Variants in NSUN6 observed in about 807,000 individuals in gnomAD.
The protein encoded by NSUN6 is NOP2/Sun RNA methyltransferase 6.
In NSUN6, 64 loss-of-function variants were observed where a neutral mutation model predicts 58.0. The observed-to-expected ratio is 1.10, with a 90% confidence interval of 0.90 to 1.36. The LOEUF is 1.36. Among genes scored for constraint, NSUN6 ranks in the 40% most tolerant of loss-of-function variants. The pLI is 0.00. For synonymous variants in NSUN6, 231 were observed against 193.9 expected, an observed-to-expected ratio of 1.19 and a Z score of -1.59; for missense variants, 701 against 550.1, an observed-to-expected ratio of 1.27 and a Z score of -2.74.
At chr10:18,639,494 C>CA (rs1246912424) in intron 3 of NSUN6, among the ~76,000 whole-genome samples, 7 of 150,114 alleles carry the variant, frequency 4.7e-5, no homozygotes, top group Non-Finnish European at 1.0e-4. Flanking sequence ...GACTCCGTCT[C>CA]AAAAAAAATA....
At chr10:18,597,203 TTA>T (rs2057623041) in intron 6 of NSUN6, among the ~76,000 whole-genome samples, 1 of 152,220 alleles carries the variant, frequency 6.6e-6, no homozygotes. Flanking sequence ...TTAGTATCAA[TTA>T]TATAAGGACT....
At chr10:18,602,041 T>A (rs1266283967) in intron 6 of NSUN6, among the ~76,000 whole-genome samples, 1 of 151,428 alleles carries the variant, frequency 6.6e-6, no homozygotes, top group Non-Finnish European at 1.5e-5. Flanking sequence ...GACAGGTAAT[T>A]CCCCCTTCCT....
intron 8 of NSUN6, among the ~76,000 whole-genome samples, chr10:18,575,065 A>G (rs34422497): frequency 1.3e-5 from 2 of 152,296 alleles, no homozygotes; most frequent in East Asian, 3.9e-4. Flanking sequence ...AAGAGAATTC[A>G]GAATGAAAAT....
chr10:18,651,747 T>C, upstream of NSUN6: 2 of 985,580 alleles, frequency 2.0e-6, no homozygotes, highest in Non-Finnish European at 2.4e-6. Flanking sequence ...CGGAGGTTCC[T>C]AACCCTGCGT....
intron 8 of NSUN6, among the ~76,000 whole-genome samples, chr10:18,570,446 C>CTCCATTCCATTCCATTCTCCAT (rs2056280311): frequency 1.3e-5 from 2 of 148,468 alleles, no homozygotes; most frequent in Non-Finnish European, 1.5e-5. Flanking sequence ...CCATTCCATT[C>CTCCATTCCATTCCATTCTCCAT]TCCATTCCAT....
intron 8 of NSUN6, among the ~76,000 whole-genome samples, chr10:18,555,844 A>T (rs12355426): frequency 6.8e-6 from 1 of 148,008 alleles, no homozygotes; most frequent in East Asian, 2.1e-4. Flanking sequence ...GAATGGAGAA[A>T]AATGGAATGG....
rs10579235 is a variant in NSUN6, at chr10:18,611,723, G to GGTGTGT, written c.576-1803_576-1798dup. Among the ~76,000 whole-genome samples, 7 of 148,982 alleles carry GGTGTGT rather than the reference G, an allele frequency of 4.7e-5. No homozygotes were observed. The East Asian group carries it at 1.4e-3, about 30-fold the overall frequency. On this transcript the variant is annotated intron_variant, in intron 5 of 10. Transcript: ENST00000377304. ...GTGTGTGTGGACAGAGTCTCACTAT[G>GGTGTGT]GTGTGTGTGTGTGTGTGTGTGTGTG...
At chr10:18,606,629 G>T (rs1564792718) in intron 6 of NSUN6, among the ~76,000 whole-genome samples, 1 of 152,156 alleles carries the variant, frequency 6.6e-6, no homozygotes, top group African/African-American at 2.4e-5. Context: ...ATTACCCTTA[G>T]GAGAAACTGG....
intron 8 of NSUN6, among the ~76,000 whole-genome samples, chr10:18,573,333 T>C (rs1027722895): frequency 6.6e-6 from 1 of 151,278 alleles, no homozygotes; most frequent in Non-Finnish European, 1.5e-5. Flanking sequence ...TCCATTCCAT[T>C]ACCCATTCCT....
At chr10:18,652,567 C>G, upstream of NSUN6, 1 of 956,204 alleles carries the variant, frequency 1.0e-6, no homozygotes, top group Non-Finnish European at 1.2e-6. Context: ...ATTTTCTCTG[C>G]TCTTTTTTTT....
At chr10:18,651,609 T>C (rs907767413), upstream of NSUN6, 1 of 987,108 alleles carries the variant, frequency 1.0e-6, no homozygotes, top group Non-Finnish European at 1.2e-6. Flanking sequence ...ACGCGCCCCC[T>C]ATTTCTCGGC....
At chr10:18,641,980 T>C (rs576492769) in intron 3 of NSUN6, among the ~76,000 whole-genome samples, 1 of 152,226 alleles carries the variant, frequency 6.6e-6, no homozygotes, top group Non-Finnish European at 1.5e-5. Context: ...GGTGGTATAA[T>C]TGCCTGAGTC....
chr10:18,584,114 A>G (rs1289428871), intron 8 of NSUN6, among the ~76,000 whole-genome samples: 1 of 152,032 alleles, frequency 6.6e-6, no homozygotes, highest in Non-Finnish European at 1.5e-5. Context: ...TGAAATTTCC[A>G]CCCTCTAGGT....
At chr10:18,600,976 ATG>A (rs2057811464) in intron 6 of NSUN6, among the ~76,000 whole-genome samples, 4 of 101,808 alleles carry the variant, frequency 3.9e-5, no homozygotes, top group Non-Finnish European at 6.0e-5. Context: ...ATATATATAT[ATG>A]TATATATATA....
At chr10:18,555,614 AGAATG>A (rs1291415037) in intron 8 of NSUN6, among the ~76,000 whole-genome samples, 1 of 149,576 alleles carries the variant, frequency 6.7e-6, no homozygotes, top group East Asian at 2.0e-4. Context: ...AATGGAATAG[AGAATG>A]GAATGGAATG....
At chr10:18,572,328 A>C (rs1453069812) in intron 8 of NSUN6, among the ~76,000 whole-genome samples, 65 of 143,266 alleles carry the variant, frequency 4.5e-4, no homozygotes, top group South Asian at 1.6e-3. Context: ...TCTCCATTCC[A>C]TTCCATTCTC....
intron 8 of NSUN6, among the ~76,000 whole-genome samples, chr10:18,585,250 T>A (rs921032774): frequency 6.6e-6 from 1 of 152,122 alleles, no homozygotes; most frequent in Non-Finnish European, 1.5e-5. Flanking sequence ...TTATGTAAAA[T>A]GGTATGGAGG....
At chr10:18,568,862 T>C (rs1010174599) in intron 8 of NSUN6, among the ~76,000 whole-genome samples, 2 of 150,784 alleles carry the variant, frequency 1.3e-5, no homozygotes, top group Non-Finnish European at 3.0e-5. Flanking sequence ...TCAATTCCTT[T>C]CTATTCTCCA....
chr10:18,567,451 C>CTCCAT (rs1035598643), intron 8 of NSUN6, among the ~76,000 whole-genome samples: 1 of 149,772 alleles, frequency 6.7e-6, no homozygotes, highest in Admixed American at 6.7e-5. Context: ...CCATTCCATG[C>CTCCAT]TCCATTCCAT....
Sources: allele counts gnomAD v4.1 joint callset (sites outside exome capture counted in the v4.1 genomes callset), GRCh38; gene constraint gnomAD v4.1.1; transcripts MANE v1.5; gene names NCBI Gene and HGNC (gene_info 2026-07-23, HGNC 2026-07-21).